MSI2: variants seen among roughly 807,000 people sequenced by gnomAD.
MSI2 encodes musashi RNA binding protein 2.
In MSI2, 17 loss-of-function variants were observed where a neutral mutation model predicts 45.6. The ratio of observed to expected loss-of-function variants is 0.37; its 90% CI spans 0.26 to 0.56. The LOEUF is 0.56. Among genes scored for constraint, MSI2 ranks in the 20% least tolerant of loss-of-function variants. The probability of loss-of-function intolerance (pLI) is 0.77; values close to 1 mark genes in which losing one functional copy is unlikely to be tolerated. For synonymous variants in MSI2, 156 were observed against 158.2 expected (o/e 0.99, Z 0.11); for missense variants, 293 against 444.2 (o/e 0.66, Z 3.06).
chr17:57,456,090 G>A (rs978778597), intron 6 of MSI2, among the ~76,000 whole-genome samples: 13 of 152,182 alleles, frequency 8.5e-5, no homozygotes, highest in South Asian at 2.1e-4. Flanking sequence ...AGGGACCTCC[G>A]GGCAGCAGAA....
intron 10 of MSI2, chr17:57,632,792 A>G (rs1362869373): frequency 9.4e-7 from 1 of 1,065,578 alleles, no homozygotes; most frequent in East Asian, 5.0e-5. Context: ...AGTGACCCGC[A>G]CGCTTCCATT....
rs1851945686 is a variant in MSI2 at position 57,652,533 on chromosome 17, G to A, written c.790+372G>A. ...CTAATTCAACAGGCTCCCTTCCTTG[G>A]GTCCCTGAGCCAGCCAGAGAAGTGC... is the stretch of plus-strand genomic sequence containing the variant. On this transcript the variant is annotated intron_variant, in intron 11 of 13. Coordinates refer to ENST00000284073, the MANE Select transcript of MSI2 (RefSeq NM_138962.4). This position sits in a 1 kb window ranked among gnomAD's most constrained non-coding sequence, Gnocchi z 4.1. Among the ~76,000 whole-genome samples the A allele has an allele frequency of 1.3e-5, 2 of 152,102 alleles. No individual in the cohort carries two copies. Among genetic ancestry groups the A allele is most frequent in the Non-Finnish European group, 2.9e-5 (2 of 68,034 alleles).
intron 6 of MSI2, among the ~76,000 whole-genome samples, chr17:57,443,716 C>G (rs1008258334): frequency 6.6e-6 from 1 of 152,244 alleles, no homozygotes; most frequent in African/African-American, 2.4e-5. Flanking sequence ...CAGCCTGAAC[C>G]GTGTCACTCA....
At chr17:57,656,209 C>T (rs1164994228) in intron 11 of MSI2, among the ~76,000 whole-genome samples, 3 of 152,152 alleles carry the variant, frequency 2.0e-5, no homozygotes, top group Non-Finnish European at 2.9e-5. Context: ...CCACCACCTC[C>T]CCTCACACTC....
At chr17:57,401,619 G>A in intron 6 of MSI2, 148 bp downstream of exon 6, 1 of 640,328 alleles carries the variant, frequency 1.6e-6, no homozygotes, top group Non-Finnish European at 2.8e-6. Context: ...GTGAAATTCA[G>A]CAGAAGCTGA....
rs1172507553 is a variant in MSI2, at chr17:57,256,523, G to A, written c.-220G>A. The A allele has an allele frequency of 6.4e-6, 2 of 312,206 alleles. No homozygotes were observed. Among genetic ancestry groups the A allele is most frequent in the Non-Finnish European group, 1.2e-5 (2 of 173,404 alleles). 19.3% of individuals were successfully genotyped at this position (312,206 alleles called of 1,614,324 possible). A position where few individuals can be genotyped will look rare whatever the true frequency, so the allele number is the denominator to read the frequency against. On this transcript the variant is annotated 5_prime_UTR_variant, in exon 1 of 14. The change creates a new upstream start codon in the 5' untranslated region. Transcript: ENST00000284073. ...GCCGGGGGGGCGGGGACGGGGGGGT[G>A]TGCGAGGCAGCGGGGCTGAGCTAAG...
intron 5 of MSI2, among the ~76,000 whole-genome samples, chr17:57,286,170 G>A (rs1909857052): frequency 6.6e-6 from 1 of 150,694 alleles, no homozygotes; most frequent in Non-Finnish European, 1.5e-5. Context: ...TTCATGTGGG[G>A]CGACAGAACT....
chr17:57,546,811 G>T (rs1344232516), intron 7 of MSI2, among the ~76,000 whole-genome samples: 3 of 152,228 alleles, frequency 2.0e-5, no homozygotes, highest in Non-Finnish European at 4.4e-5. Flanking sequence ...GGGGCTTCAT[G>T]CTCTTGTCCC....
At chr17:57,322,931 T>G (rs1913467681) in intron 5 of MSI2, among the ~76,000 whole-genome samples, 1 of 151,638 alleles carries the variant, frequency 6.6e-6, no homozygotes, top group Non-Finnish European at 1.5e-5. Context: ...ACTTGGGAGT[T>G]ATGTGTTGTG....
chr17:57,600,265 T>G (rs1275521043), intron 8 of MSI2, among the ~76,000 whole-genome samples: 1 of 152,228 alleles, frequency 6.6e-6, no homozygotes, highest in Non-Finnish European at 1.5e-5. Flanking sequence ...ACCCATCTCC[T>G]CAAACCCTCG....
intron 4 of MSI2, among the ~76,000 whole-genome samples, chr17:57,259,470 A>G (rs952474418): frequency 2.6e-5 from 4 of 152,236 alleles, no homozygotes; most frequent in Admixed American, 1.3e-4. Context: ...GAAAGCAAAT[A>G]AAGAAACCTG....
chr17:57,548,954 C>G (rs935509867), intron 7 of MSI2, among the ~76,000 whole-genome samples: 1 of 135,998 alleles, frequency 7.4e-6, no homozygotes, highest in Non-Finnish European at 1.5e-5. Flanking sequence ...GATCTTTGGA[C>G]TTTACAGTGG....
intron 10 of MSI2, among the ~76,000 whole-genome samples, chr17:57,643,608 A>G (rs1910419491): frequency 6.6e-6 from 1 of 152,216 alleles, no homozygotes; most frequent in Admixed American, 6.5e-5. Context: ...GTTGCTTCCC[A>G]GGGGTGCTGC....
At chr17:57,320,548 G>C (rs892249362) in intron 5 of MSI2, among the ~76,000 whole-genome samples, 1 of 152,164 alleles carries the variant, frequency 6.6e-6, no homozygotes, top group South Asian at 2.1e-4. Flanking sequence ...AGTTTGCAGA[G>C]TGCTTGGAGG....
chr17:57,461,842 G>A (rs547977618), intron 6 of MSI2, among the ~76,000 whole-genome samples: 1 of 152,260 alleles, frequency 6.6e-6, no homozygotes, highest in African/African-American at 2.4e-5. Flanking sequence ...TTTTGAGAAG[G>A]AGATGGCAGC....
chr17:57,572,782 GC>G (rs2087912362), intron 7 of MSI2, among the ~76,000 whole-genome samples: 1 of 152,198 alleles, frequency 6.6e-6, no homozygotes, highest in South Asian at 2.1e-4. Context: ...TCAGCACGGC[GC>G]CACATTTGGG....
intron 5 of MSI2, among the ~76,000 whole-genome samples, chr17:57,312,778 T>C (rs1370851071): frequency 1.3e-5 from 2 of 152,184 alleles, no homozygotes; most frequent in Non-Finnish European, 2.9e-5. Context: ...TCTTTCTTCC[T>C]TAGAACACAG....
At chr17:57,618,690 C>T (rs951734398) in intron 9 of MSI2, among the ~76,000 whole-genome samples, 16 of 151,850 alleles carry the variant, frequency 1.1e-4, no homozygotes, top group South Asian at 2.1e-4. Context: ...ATTACAGGCG[C>T]GCGCCACCAC....
chr17:57,520,925 A>C (rs1056021477), intron 6 of MSI2, among the ~76,000 whole-genome samples: 1 of 152,094 alleles, frequency 6.6e-6, no homozygotes, highest in Non-Finnish European at 1.5e-5. Context: ...TCGGCCTCCC[A>C]AAGTGCTGGA....
Sources: allele counts gnomAD v4.1 joint callset (sites outside exome capture counted in the v4.1 genomes callset), GRCh38; gene constraint gnomAD v4.1.1; non-coding constraint Gnocchi (gnomAD v3.1); transcripts MANE v1.5; gene names NCBI Gene and HGNC (gene_info 2026-07-23, HGNC 2026-07-21).